The following MIA3 variants were observed in gnomAD, a reference collection of about 807,000 sequenced individuals.
MIA3 encodes transport and Golgi organization protein 1 homolog.
A neutral mutation model predicts 192.4 loss-of-function variants in MIA3; 90 were observed. That is an observed-to-expected ratio of 0.47 (90% CI 0.39 to 0.56). The LOEUF is 0.56. MIA3 is among the 20% of genes least tolerant of loss of function. The probability of loss-of-function intolerance (pLI) is 0.00; values close to 1 mark genes in which losing one functional copy is unlikely to be tolerated. For synonymous variants in MIA3, 740 were observed against 792.8 expected (o/e 0.93, Z 1.12); for missense variants, 2,123 against 2,269.4 (o/e 0.94, Z 1.31).
intron 3 of MIA3, among the ~76,000 whole-genome samples, chr1:222,625,069 G>A (rs1662048948): frequency 6.6e-6 from 1 of 151,844 alleles, no homozygotes; most frequent in African/African-American, 2.4e-5. Context: ...GAGTGGAGTG[G>A]CGTGATCTCG....
rs552614559 is a variant in MIA3 at position 222,646,650 on chromosome 1, G to C, written c.3609+965G>C. On this transcript the variant is annotated intron_variant, in intron 7 of 27. Coordinates refer to ENST00000344922, the MANE Select transcript of MIA3 (RefSeq NM_198551.4). ...GCCTGTAATCCCAGCTACTTGGGAGGCTGAGGCAGGAGAATCGCTTGAACT... is the reference window on the plus strand; with the variant it reads ...GCCTGTAATCCCAGCTACTTGGGAGCCTGAGGCAGGAGAATCGCTTGAACT... 5.0e-3 allele frequency among the ~76,000 whole-genome samples: 765 copies of C among 152,152 alleles called. 3 individuals are homozygous for C. Among genetic ancestry groups the C allele is most frequent in the Non-Finnish European group, 8.9e-3 (606 of 67,984 alleles).
In MIA3 at chr1:222,654,590, G is replaced by C. The variant is rs1004035632; in HGVS notation, c.4469-65G>C. 3.8e-6 allele frequency: 6 copies of C among 1,579,500 alleles called. No homozygotes were observed. In the African/African-American group the frequency reaches 8.1e-5, roughly 21 times the overall value. ...ATACTTCTCATTTCTCTCAGCACCA[G>C]CCCCCAACCAAGTTCTCAAGTTCTT... On this transcript the variant is annotated intron_variant, in intron 17 of 27. Coordinates refer to ENST00000344922, the MANE Select transcript of MIA3 (RefSeq NM_198551.4).
At position 222,652,892 on chromosome 1, in the gene MIA3, A is replaced by ATAGTG. The variant is rs145399269; in HGVS notation, c.4087-115_4087-111dup. 1,697 of 1,191,058 alleles carry ATAGTG rather than the reference A, an allele frequency of 1.4e-3. 31 individuals are homozygous for ATAGTG. In the South Asian group the frequency reaches 0.016, roughly 11 times the overall value. The allele number at this position is 1,191,058 out of a possible 1,614,324, so 73.8% of individuals were successfully genotyped here. On this transcript the variant is annotated intron_variant, in intron 13 of 27. Transcript: ENST00000344922. Reference sequence around the variant, plus strand: ...TCCCACTTAACCAAGGTCTTAGCCCATAGTGATAGGCCAAGGAGAGGCATG... The same window carrying ATAGTG: ...TCCCACTTAACCAAGGTCTTAGCCCATAGTGTAGTGATAGGCCAAGGAGAGGCATG...
At chr1:222,663,096 G>C (rs1306271223) in intron 26 of MIA3, 1 of 152,182 alleles carries the variant, frequency 6.6e-6, no homozygotes, top group Non-Finnish European at 1.5e-5. Context: ...TTTAATGATT[G>C]AGAGTTTCCA....
chr1:222,649,938 C>T, intron 8 of MIA3: 1 of 282,518 alleles, frequency 3.5e-6, no homozygotes, highest in South Asian at 3.6e-5. Context: ...GGAGCAGGAG[C>T]AAGAGAGAGT....
In MIA3 at chr1:222,632,257, C is replaced by T. The variant is rs1015040097; in HGVS notation, c.3262C>T (p.Arg1088Cys). ...TGAAGAACCCACCCACTTGGACCAA[C>T]GTGTGATTGGGGACACTCATGCCTC... is the stretch of plus-strand genomic sequence containing the variant. The part of the protein sequence containing the change: ...VPEEPTHLDQ[R>C]VIGDTHASEV... Residue 1088 changes from arginine (R) to cysteine (C), a missense_variant, in exon 5 of 28, where the codon CGT becomes TGT. Around this residue, in one of 3 missense-constraint regions of MIA3, gnomAD observed 1,357 missense variants for 1,396.1 expected, o/e 0.97. Coordinates refer to ENST00000344922, the MANE Select transcript of MIA3 (RefSeq NM_198551.4). 13 of 1,614,110 alleles carry T rather than the reference C, an allele frequency of 8.1e-6. No individual in the cohort carries two copies. Among genetic ancestry groups the T allele is most frequent in the Admixed American group, 3.3e-5 (2 of 60,026 alleles).
At chr1:222,655,992 CAG>C (rs1449284465) in intron 18 of MIA3, among the ~76,000 whole-genome samples, 8 of 98,206 alleles carry the variant, frequency 8.1e-5, no homozygotes, top group Non-Finnish European at 1.1e-4. Flanking sequence ...TTTTTTGAGA[CAG>C]AGTCTCACTC....
At chr1:222,650,550 C>A in intron 9 of MIA3, 84 bp from the exon 10 acceptor site, 1 of 1,001,452 alleles carries the variant, frequency 1.0e-6, no homozygotes, top group Non-Finnish European at 1.5e-6. Context: ...CTGTTTTCTT[C>A]TGTAAGAGGT....
intron 6 of MIA3, among the ~76,000 whole-genome samples, chr1:222,642,750 A>C (rs1373679312): frequency 6.6e-6 from 1 of 152,220 alleles, no homozygotes. Context: ...TGCCAAGATA[A>C]GTGAGAAATC....
intron 6 of MIA3, among the ~76,000 whole-genome samples, chr1:222,642,925 C>T (rs1286578331): frequency 6.6e-6 from 1 of 152,134 alleles, no homozygotes; most frequent in Non-Finnish European, 1.5e-5. Flanking sequence ...TTGTAAAGCA[C>T]TTTATATTTT....
chr1:222,663,070 T>C (rs1300036396), intron 26 of MIA3: 1 of 152,194 alleles, frequency 6.6e-6, no homozygotes, highest in East Asian at 1.9e-4. Flanking sequence ...ATTCTCGACA[T>C]TGAAATTAAA....
chr1:222,630,578 C>T (rs1015068590), intron 4 of MIA3, among the ~76,000 whole-genome samples, 189 bp downstream of exon 4: 6 of 152,140 alleles, frequency 3.9e-5, no homozygotes, highest in Admixed American at 1.3e-4. Flanking sequence ...AATTTCTTGC[C>T]GTTTCCCTTA....
rs940548643 is a variant in MIA3 at position 222,659,039 on chromosome 1, G to C, written c.4709+216G>C. 6 of 486,420 alleles carry C rather than the reference G, an allele frequency of 1.2e-5. No individual in the cohort carries two copies. The South Asian group carries it at 1.6e-4, about 13-fold the overall frequency. 30.1% of individuals were successfully genotyped at this position (486,420 alleles called of 1,614,324 possible). ...ACTTGATTCGTGCAAACAGTTCTGG[G>C]GGTTGGAGGGGGTGGGAGCAGTTTG... On this transcript the variant is annotated intron_variant, in intron 19 of 27. Transcript: ENST00000344922.
At chr1:222,624,675 T>G in intron 2 of MIA3, 93 bp from the exon 3 acceptor site, 1 of 666,874 alleles carries the variant, frequency 1.5e-6, no homozygotes, top group Non-Finnish European at 2.7e-6. Context: ...TTGCTTGATA[T>G]GTGCTGTAGA....
chr1:222,650,760 T>A (rs1663388193), intron 10 of MIA3, 33 bp from the exon 11 acceptor site: 2 of 1,561,948 alleles, frequency 1.3e-6, no homozygotes, highest in Non-Finnish European at 1.7e-6. Context: ...GTAAAAGTAA[T>A]GAGTATAACT....
At chr1:222,658,656 G>T in intron 18 of MIA3, 66 bp from the exon 19 acceptor site, 1 of 1,056,348 alleles carries the variant, frequency 9.5e-7, no homozygotes, top group Admixed American at 2.3e-5. Flanking sequence ...GATTTTATTG[G>T]AGTATTCAGA....
At position 222,667,530 on chromosome 1, in the gene MIA3, C is replaced by T. The variant is rs1172522974; in HGVS notation, c.*1911C>T. The T allele has an allele frequency of 6.6e-6, 1 of 152,006 alleles. No individual in the cohort carries two copies. The highest frequency in any genetic ancestry group is 1.5e-5 in the Non-Finnish European group (1 of 67,992). The allele number at this position is 152,006 out of a possible 1,614,324, so 9.4% of individuals were successfully genotyped here. On this transcript the variant is annotated 3_prime_UTR_variant, in exon 28 of 28. Transcript: ENST00000344922. Reference sequence around the variant, plus strand: ...TTAGAGTATTTTTCCCCTCTAAAGCCTTTTTTGGTGATTATTCTGTATCTG... The same window carrying T: ...TTAGAGTATTTTTCCCCTCTAAAGCTTTTTTTGGTGATTATTCTGTATCTG...
At chr1:222,642,982 T>A (rs968926953) in intron 6 of MIA3, among the ~76,000 whole-genome samples, 2 of 152,222 alleles carry the variant, frequency 1.3e-5, no homozygotes, top group Non-Finnish European at 2.9e-5. Context: ...TTTTCTTAGG[T>A]TACCATTGCC....
Position 222,659,993 on chromosome 1 carries a change from C to T in MIA3, c.4962C>T (p.Asn1654=). 1.2e-6 allele frequency: 2 copies of T among 1,613,014 alleles called. No homozygotes were observed. ...KPMPGKPNTQ[N]PPRRGPLSQN... ...TGCCAGGAAAACCAAATACACAAAA[C>T]CCTCCACGGAGAGGTAAGGGAGCTA... The change falls in exon 23 of 28, where the codon AAC becomes AAT. Residue 1654 remains asparagine (N), a synonymous_variant. Transcript: ENST00000344922.
Sources: allele counts gnomAD v4.1 joint callset (sites outside exome capture counted in the v4.1 genomes callset), GRCh38; gene constraint gnomAD v4.1.1; regional missense constraint gnomAD v4.1.1; transcripts MANE v1.5; gene names NCBI Gene and HGNC (gene_info 2026-07-23, HGNC 2026-07-21).